The following CNTNAP2 variants were observed in gnomAD, a reference collection of about 807,000 sequenced individuals.
CNTNAP2 encodes contactin-associated protein-like 2.
CNTNAP2 carries 98 observed loss-of-function variants against 155.2 expected under a neutral mutation model. The observed-to-expected ratio is 0.63, with a 90% CI of 0.54 to 0.75. The LOEUF (loss-of-function observed/expected upper bound fraction) is 0.75, where lower values mean the gene tolerates loss of function less well. Ranked by LOEUF, CNTNAP2 falls within the 30% of genes least tolerant of loss-of-function variation. CNTNAP2 has a pLI of 0.00. For missense variants in CNTNAP2, 1,727 were observed against 1,688.1 expected (o/e 1.02, Z -0.40); for synonymous variants, 651 against 631.2 (o/e 1.03, Z -0.47).
chr7:147,964,913 C>G (rs1195262928), intron 14 of CNTNAP2, among the ~76,000 whole-genome samples: 5 of 152,156 alleles, frequency 3.3e-5, no homozygotes, highest in Non-Finnish European at 1.5e-5. Context: ...CAATATAGAT[C>G]AAATATCCAG....
chr7:147,872,549 A>C (rs895372788), intron 13 of CNTNAP2, among the ~76,000 whole-genome samples: 3 of 152,224 alleles, frequency 2.0e-5, no homozygotes, highest in African/African-American at 7.2e-5. Context: ...ACAAATAAAC[A>C]TCATGATAGA....
At chr7:147,280,903 TG>T (rs1805019306) in intron 8 of CNTNAP2, among the ~76,000 whole-genome samples, 1 of 151,892 alleles carries the variant, frequency 6.6e-6, no homozygotes, top group Non-Finnish European at 1.5e-5. Context: ...TTTTGGAAAG[TG>T]CAGAGTTGTA....
chr7:147,175,214 A>T (rs73156404), intron 8 of CNTNAP2, among the ~76,000 whole-genome samples: 2,430 of 152,154 alleles, frequency 0.016, 27 homozygotes, highest in South Asian at 0.042. Context: ...AAGATTAAGG[A>T]TTTCATCTAA....
At chr7:146,370,260 T>TAAA (rs34996621) in intron 1 of CNTNAP2, among the ~76,000 whole-genome samples, 1,874 of 87,550 alleles carry the variant, frequency 0.021, 113 homozygotes, top group African/African-American at 0.092. Context: ...ATCTCTACTT[T>TAAA]AAAAAAAAAA....
At chr7:147,839,887 G>T (rs896965386) in intron 13 of CNTNAP2, among the ~76,000 whole-genome samples, 2 of 151,872 alleles carry the variant, frequency 1.3e-5, no homozygotes, top group South Asian at 2.1e-4. Context: ...GTATATATGT[G>T]TGTGTGTGTG....
intron 15 of CNTNAP2, among the ~76,000 whole-genome samples, chr7:148,007,684 C>T (rs1294213348): frequency 6.6e-6 from 1 of 152,176 alleles, no homozygotes; most frequent in Non-Finnish European, 1.5e-5. Context: ...AGTGATTATA[C>T]TGCTCTAAGT....
intron 3 of CNTNAP2, among the ~76,000 whole-genome samples, chr7:146,994,722 C>T (rs1016333257): frequency 2.6e-5 from 4 of 152,030 alleles, no homozygotes; most frequent in African/African-American, 9.7e-5. Context: ...AACTCTCACA[C>T]ACATGGGTGT....
chr7:146,166,398 T>C (rs963690149), intron 1 of CNTNAP2, among the ~76,000 whole-genome samples: 1 of 152,040 alleles, frequency 6.6e-6, no homozygotes, highest in Non-Finnish European at 1.5e-5. Context: ...TGGCCATATT[T>C]CCCCCATTTT....
chr7:148,005,374 T>C (rs1394059045), intron 15 of CNTNAP2, among the ~76,000 whole-genome samples: 2 of 152,172 alleles, frequency 1.3e-5, no homozygotes, highest in Non-Finnish European at 2.9e-5. Flanking sequence ...GGTTTTAGCA[T>C]AGGAATTTGT....
chr7:146,462,840 C>T (rs112742005), intron 1 of CNTNAP2, among the ~76,000 whole-genome samples: 7 of 152,110 alleles, frequency 4.6e-5, no homozygotes, highest in African/African-American at 2.4e-5. Flanking sequence ...ACAGTTTGGG[C>T]GTCTCTCTCA....
rs1797850465 is a variant in CNTNAP2 at position 146,535,371 on chromosome 7, TATATATGATATA to T, written c.98-238887_98-238876del. Among the ~76,000 whole-genome samples, 2 of 70,904 alleles carry T rather than the reference TATATATGATATA, an allele frequency of 2.8e-5. 1 individual carries two copies. Among genetic ancestry groups the T allele is most frequent in the South Asian group, 8.0e-4 (2 of 2,508 alleles). The allele number at this position is 70,904 out of a possible 152,430, so 46.5% of individuals were successfully genotyped here. On this transcript the variant is annotated intron_variant, in intron 1 of 23. Coordinates refer to ENST00000361727, the MANE Select transcript of CNTNAP2 (RefSeq NM_014141.6). Reference sequence around the variant, plus strand: ...ATATATGATATTATATAATGTATATTATATATGATATAATATATGATATATATATTATATATG... The same window carrying T: ...ATATATGATATTATATAATGTATATTATATATGATATATATATTATATATG...
chr7:147,974,249 T>C (rs2373281), intron 14 of CNTNAP2, among the ~76,000 whole-genome samples: 41,583 of 152,118 alleles, frequency 0.27, 6,420 homozygotes, highest in East Asian at 0.56. Flanking sequence ...AAACACTTGT[T>C]TTAAAAATGC....
chr7:147,441,813 T>TCTCTCTCTCTCTC (rs1797639871), intron 10 of CNTNAP2, among the ~76,000 whole-genome samples: 4 of 102,114 alleles, frequency 3.9e-5, no homozygotes, highest in African/African-American at 7.9e-5. Context: ...TGTAGTCTCT[T>TCTCTCTCTCTCTC]TCTCTCTCTC....
rs149382126 is a variant in CNTNAP2 at position 147,182,425 on chromosome 7, G to A, written c.1348+49916G>A. Among the ~76,000 whole-genome samples, 174 of 152,118 alleles carry A rather than the reference G, an allele frequency of 1.1e-3. 2 individuals are homozygous for A. Among genetic ancestry groups the A allele is most frequent in the African/African-American group, 4.0e-3 (166 of 41,530 alleles). On this transcript the variant is annotated intron_variant, in intron 8 of 23. Transcript: ENST00000361727. ...TTACCTAAAAATAAGATATAGTCAT[G>A]TAGCACATTACTTTGAAGAGAAAAA...
At chr7:146,965,476 G>A (rs534742533) in intron 3 of CNTNAP2, among the ~76,000 whole-genome samples, 2 of 152,088 alleles carry the variant, frequency 1.3e-5, no homozygotes, top group East Asian at 1.9e-4. Context: ...ATTCAGGCAA[G>A]GTGTATTAAA....
At chr7:146,663,000 G>A (rs1021541438) in intron 1 of CNTNAP2, among the ~76,000 whole-genome samples, 8 of 152,042 alleles carry the variant, frequency 5.3e-5, no homozygotes, top group Non-Finnish European at 1.2e-4. Context: ...AATCAGAGCC[G>A]GGTGCAGTGG....
intron 3 of CNTNAP2, among the ~76,000 whole-genome samples, chr7:146,974,509 A>G (rs1311004907): frequency 1.3e-5 from 2 of 152,188 alleles, no homozygotes; most frequent in East Asian, 3.8e-4. Context: ...ATAGATGTCA[A>G]ATTTAGAGTT....
chr7:148,065,275 G>A (rs1803234766), intron 15 of CNTNAP2, among the ~76,000 whole-genome samples: 1 of 152,226 alleles, frequency 6.6e-6, no homozygotes, highest in East Asian at 1.9e-4. Context: ...GTGGTTGTTG[G>A]GTGGAATGTT....
intron 1 of CNTNAP2, among the ~76,000 whole-genome samples, chr7:146,586,836 C>A (rs1247565410): frequency 6.6e-6 from 1 of 152,152 alleles, no homozygotes; most frequent in Non-Finnish European, 1.5e-5. Flanking sequence ...GCCAGCCTAA[C>A]TGTTAATGAG....
Sources: gnomAD v4.1 joint callset for allele counts (sites outside exome capture counted in the v4.1 genomes callset) on GRCh38, gnomAD v4.1.1 for gene constraint, MANE v1.5 for transcripts, NCBI Gene and HGNC (gene_info 2026-07-23, HGNC 2026-07-21) for gene names.